Variants in WNT10A observed in about 807,000 individuals in gnomAD.
WNT10A encodes Wnt family member 10A, also known as protein Wnt-10a.
Under a neutral mutation model 36.1 loss-of-function variants are expected in WNT10A, and 37 were observed. The observed-to-expected ratio is 1.02, with a 90% CI of 0.79 to 1.35. WNT10A has a LOEUF of 1.35. Ranked by LOEUF, WNT10A falls within the 40% of genes most tolerant of loss-of-function variation. WNT10A has a pLI of 0.00. For missense variants in WNT10A, 613 were observed against 601.4 expected (o/e 1.02, Z -0.20); for synonymous variants, 255 against 254.1 (o/e 1.00, Z -0.03).
Position 218,881,469 on chromosome 2 carries a change from T to A in WNT10A, c.113+361T>A, listed in dbSNP as rs1186519849. Among the ~76,000 whole-genome samples the A allele has an allele frequency of 4.6e-5, 7 of 151,084 alleles. No individual in the cohort carries two copies. In the East Asian group the frequency reaches 1.4e-3, roughly 29 times the overall value. ...CTCCTTCCTGCAGCTCAGCCCCAGG[T>A]AGGGGCAGGGGTTGGGAGGCTGGAA... On this transcript the variant is annotated intron_variant, in intron 1 of 3. Coordinates refer to ENST00000258411, the MANE Select transcript of WNT10A (RefSeq NM_025216.3).
chr2:218,882,509 C>A, intron 2 of WNT10A, 86 bp downstream of exon 2: 1 of 1,543,710 alleles, frequency 6.5e-7, no homozygotes, highest in Non-Finnish European at 8.9e-7. Flanking sequence ...AACCCACTGC[C>A]TCAAGCTGGC....
intron 3 of WNT10A, among the ~76,000 whole-genome samples, chr2:218,892,510 A>G (rs1944664955): frequency 6.6e-6 from 1 of 152,116 alleles, no homozygotes; most frequent in Non-Finnish European, 1.5e-5. Flanking sequence ...AGCTGCTGGA[A>G]AGGCGGGCAG....
In WNT10A at chr2:218,881,033, G is replaced by A. The variant is rs767104236; in HGVS notation, c.38G>A (p.Arg13Gln). 3.1e-6 allele frequency: 5 copies of A among 1,600,722 alleles called. No individual in the cohort carries two copies. The highest frequency in any genetic ancestry group is 4.3e-6 in the Non-Finnish European group (5 of 1,174,032). Residue 13 changes from arginine to glutamine, a missense_variant, in exon 1 of 4, where the codon CGA (arginine) becomes CAA (glutamine). Coordinates refer to ENST00000258411, the MANE Select transcript of WNT10A (RefSeq NM_025216.3). ...CACCCTCGCCCCTGGCTGCGGCTCC[G>A]ACCCCAGCCCCAGCCGCGGCCAGCG... ...SAHPRPWLRL[R>Q]PQPQPRPALW...
At chr2:218,891,484 C>T (rs1033913068) in intron 3 of WNT10A, among the ~76,000 whole-genome samples, 1 of 152,170 alleles carries the variant, frequency 6.6e-6, no homozygotes, top group Non-Finnish European at 1.5e-5. Context: ...TTCAGCAATT[C>T]CCATCTTGAC....
upstream of WNT10A, chr2:218,880,414 G>A (rs890019565): frequency 1.9e-5 from 3 of 154,070 alleles, no homozygotes; most frequent in Non-Finnish European, 4.3e-5. The surrounding 1 kb of genome is among the most constrained non-coding windows in gnomAD (Gnocchi z 7.7). Flanking sequence ...AGTGGCCTCG[G>A]GACTCGTACA....
chr2:218,886,560 A>C (rs1944579636), intron 2 of WNT10A, among the ~76,000 whole-genome samples: 1 of 151,828 alleles, frequency 6.6e-6, no homozygotes, highest in Non-Finnish European at 1.5e-5. Context: ...CTCCACTTAG[A>C]TGCTGGCAGT....
rs904675306 is a variant in WNT10A at position 218,882,248 on chromosome 2, G to A, written c.201G>A (p.Leu67=). 6.2e-7 allele frequency: 1 copy of A among 1,614,196 alleles called. No individual in the cohort carries two copies. Among genetic ancestry groups the A allele is most frequent in the East Asian group, 2.2e-5 (1 of 44,884 alleles). Residue 67 remains leucine (L), a synonymous_variant, in exon 2 of 4, where the codon CTG becomes CTA. Transcript: ENST00000258411. ...ANTVCLTLPG[L]SRRQMEVCVR... Reference sequence around the variant, plus strand: ...CAGTGTGCCTAACATTGCCAGGCCTGAGCCGGCGGCAGATGGAGGTGTGTG... The same window carrying A: ...CAGTGTGCCTAACATTGCCAGGCCTAAGCCGGCGGCAGATGGAGGTGTGTG...
At chr2:218,881,473 G>C (rs1280306268) in intron 1 of WNT10A, among the ~76,000 whole-genome samples, 1 of 152,186 alleles carries the variant, frequency 6.6e-6, no homozygotes, top group Admixed American at 6.5e-5. Context: ...CCCAGGTAGG[G>C]GCAGGGGTTG....
At chr2:218,881,131 G>T in intron 1 of WNT10A, 23 bp downstream of exon 1, 1 of 1,572,282 alleles carries the variant, frequency 6.4e-7, no homozygotes, top group Non-Finnish European at 8.6e-7. Context: ...CTCATGCTCC[G>T]CCCTCCTAGA....
chr2:218,877,740 A>G (rs1944465112), upstream of WNT10A, among the ~76,000 whole-genome samples: 1 of 152,180 alleles, frequency 6.6e-6, no homozygotes, highest in African/African-American at 2.4e-5. This position sits in a 1 kb window ranked among gnomAD's most constrained non-coding sequence, Gnocchi z 4.1. Flanking sequence ...TTCAATGACC[A>G]AACACATTGG....
In WNT10A at chr2:218,893,219, T is replaced by G. The variant is rs1944679095; in HGVS notation, c.1202T>G (p.Phe401Cys). The G allele has an allele frequency of 1.9e-6, 3 of 1,571,912 alleles. No individual in the cohort carries two copies. The African/African-American group carries it at 4.0e-5, about 21-fold the overall frequency. The part of the protein sequence containing the change: ...RCHCRFHWCC[F>C]VVCEECRITE... ...CACTGCCGCTTCCACTGGTGCTGTT[T>G]CGTGGTCTGCGAAGAGTGCCGCATC... Residue 401 changes from phenylalanine to cysteine, a missense_variant, in exon 4 of 4, where the codon TTC (phenylalanine) becomes TGC (cysteine). Phe to Cys is a radical substitution (Grantham distance 205, BLOSUM62 -2). Coordinates refer to ENST00000258411, the MANE Select transcript of WNT10A (RefSeq NM_025216.3). This position sits in a 1 kb window ranked among gnomAD's most constrained non-coding sequence, Gnocchi z 6.3.
At chr2:218,878,753 A>G (rs1944475641), upstream of WNT10A, among the ~76,000 whole-genome samples, 1 of 152,160 alleles carries the variant, frequency 6.6e-6, no homozygotes, top group Admixed American at 6.5e-5. The surrounding 1 kb of genome is among the most constrained non-coding windows in gnomAD (Gnocchi z 4.1). Flanking sequence ...TAAGCTGATT[A>G]TGAGTCCCTT....
rs572942384 is a variant in WNT10A, at chr2:218,882,321, G to C, written c.274G>C (p.Ala92Pro). Residue 92 changes from alanine to proline, a missense_variant, in exon 2 of 4, where the codon GCC (alanine) becomes CCC (proline). Coordinates refer to ENST00000258411, the MANE Select transcript of WNT10A (RefSeq NM_025216.3). Reference sequence around the variant, plus strand: ...CTCAGCCATACAGGGCATCCAGATCGCCATCCACGAATGCCAACACCAATT... The same window carrying C: ...CTCAGCCATACAGGGCATCCAGATCCCCATCCACGAATGCCAACACCAATT... ...AASAIQGIQI[A>P]IHECQHQFRD... 6.2e-7 allele frequency: 1 copy of C among 1,614,106 alleles called. No individual in the cohort carries two copies. Among genetic ancestry groups the C allele is most frequent in the South Asian group, 1.1e-5 (1 of 91,074 alleles).
upstream of WNT10A, among the ~76,000 whole-genome samples, chr2:218,877,518 G>A (rs1013648135): frequency 2.0e-5 from 3 of 152,194 alleles, no homozygotes; most frequent in East Asian, 5.8e-4. This position sits in a 1 kb window ranked among gnomAD's most constrained non-coding sequence, Gnocchi z 4.1. Flanking sequence ...CAGCTGCTCA[G>A]CCTCAGGCAG....
rs1276330659 is a variant in WNT10A, at chr2:218,881,098, G to A, written c.103G>A (p.Ala35Thr). Residue 35 changes from alanine (A) to threonine (T), a missense_variant, in exon 1 of 4, where the codon GCC becomes ACC. Physicochemically the swap from Ala to Thr is moderately conservative, Grantham distance 58. Coordinates refer to ENST00000258411, the MANE Select transcript of WNT10A (RefSeq NM_025216.3). ...LLFFLLLLAAAMPRSAPNDIL... is the reference protein window; with the variant it reads ...LLFFLLLLAATMPRSAPNDIL... ...GTTCTTCCTACTGCTGCTGGCTGCTGCCATGCCCAGGTGAGCCCTCACCTC... is the reference window on the plus strand; with the variant it reads ...GTTCTTCCTACTGCTGCTGGCTGCTACCATGCCCAGGTGAGCCCTCACCTC... 1.3e-6 allele frequency: 2 copies of A among 1,597,182 alleles called. No individual in the cohort carries two copies. The highest frequency in any genetic ancestry group is 1.3e-5 in the African/African-American group (1 of 74,658).
upstream of WNT10A, chr2:218,880,796 C>A (rs998742804): frequency 5.9e-6 from 3 of 508,238 alleles, no homozygotes; most frequent in Admixed American, 8.5e-5. This position sits in a 1 kb window ranked among gnomAD's most constrained non-coding sequence, Gnocchi z 7.7. Context: ...CACCCCCCGC[C>A]CCCCCCGAGG....
At position 218,890,086 on chromosome 2, in the gene WNT10A, A is replaced by T. The variant is rs80153590; in HGVS notation, c.479A>T (p.Asp160Val). The change falls in exon 3 of 4, where the codon GAT becomes GTT. Residue 160 changes from aspartate to valine, a missense_variant. By Grantham distance (152) the Asp-to-Val change is radical. Coordinates refer to ENST00000258411, the MANE Select transcript of WNT10A (RefSeq NM_025216.3). ...GGCAAACTGAAGGCCTGTGGCTGTG[A>T]TGCGTCCCGGCGAGGGGACGAGGAG... ...ALGKLKACGC[D>V]ASRRGDEEAF... 2 of 1,614,124 alleles carry T rather than the reference A, an allele frequency of 1.2e-6. No individual in the cohort carries two copies. The highest frequency in any genetic ancestry group is 2.2e-5 in the South Asian group (2 of 91,076).
chr2:218,885,697 C>T (rs1010932109), intron 2 of WNT10A, among the ~76,000 whole-genome samples: 1 of 152,248 alleles, frequency 6.6e-6, no homozygotes, highest in Admixed American at 6.5e-5. Context: ...AGGCTCTGCT[C>T]TCCACAGCCC....
chr2:218,882,207 G>A lies in WNT10A; in HGVS notation c.160G>A (p.Val54Met), dbSNP rs375821607. The part of the protein sequence containing the change: ...ILDLRLPPEP[V>M]LNANTVCLTL... ...GGACCTCCGCCTCCCCCCGGAGCCC[G>A]TGCTCAATGCCAACACAGTGTGCCT... is the stretch of plus-strand genomic sequence containing the variant. The change falls in exon 2 of 4, where the codon GTG becomes ATG. Residue 54 changes from valine to methionine, a missense_variant. Coordinates refer to ENST00000258411, the MANE Select transcript of WNT10A (RefSeq NM_025216.3). 3.0e-5 allele frequency: 48 copies of A among 1,614,012 alleles called. No individual in the cohort carries two copies. Among genetic ancestry groups the A allele is most frequent in the Non-Finnish European group, 3.9e-5 (46 of 1,180,010 alleles).
Sources: allele counts gnomAD v4.1 joint callset (sites outside exome capture counted in the v4.1 genomes callset), GRCh38; gene constraint gnomAD v4.1.1; non-coding constraint Gnocchi (gnomAD v3.1); transcripts MANE v1.5; gene names NCBI Gene and HGNC (gene_info 2026-07-23, HGNC 2026-07-21).